Variants in CASQ2 observed in about 807,000 individuals in gnomAD.
CASQ2 encodes calsequestrin 2.
Under a neutral mutation model 46.5 loss-of-function variants are expected in CASQ2, and 49 were observed. The observed-to-expected ratio is 1.05, with a 90% CI of 0.84 to 1.34. The LOEUF (loss-of-function observed/expected upper bound fraction) is 1.34, where lower values mean the gene tolerates loss of function less well. CASQ2 is among the 40% of genes most tolerant of loss of function. The probability of loss-of-function intolerance (pLI) is 0.00; values close to 1 mark genes in which losing one functional copy is unlikely to be tolerated. For missense variants in CASQ2, 486 were observed against 481.3 expected (o/e 1.01, Z -0.09); for synonymous variants, 174 against 168.5 (o/e 1.03, Z -0.25).
At chr1:115,766,796 C>T (rs1649144302) in intron 1 of CASQ2, among the ~76,000 whole-genome samples, 1 of 151,710 alleles carries the variant, frequency 6.6e-6, no homozygotes, top group Non-Finnish European at 1.5e-5. Flanking sequence ...GGATGGTAAG[C>T]CCAGGGGAAG....
chr1:115,702,804 C>A (rs1443363847), intron 10 of CASQ2, 117 bp downstream of exon 10: 2 of 806,980 alleles, frequency 2.5e-6, no homozygotes, highest in Non-Finnish European at 4.2e-6. Flanking sequence ...TTGAGCAGGA[C>A]CCCTGCCCTC....
At chr1:115,752,386 G>A (rs4839478) in intron 1 of CASQ2, among the ~76,000 whole-genome samples, 141,670 of 152,306 alleles carry the variant, frequency 0.93, 66,217 homozygotes, top group South Asian at 0.98. Context: ...AGCACCTAGC[G>A]TAATACCTGA....
intron 8 of CASQ2, among the ~76,000 whole-genome samples, chr1:115,711,713 G>T (rs1293034757): frequency 1.3e-5 from 2 of 151,892 alleles, no homozygotes; most frequent in Admixed American, 6.6e-5. Context: ...GGAGTGCAAT[G>T]GTGTGGTCTC....
chr1:115,721,739 T>C (rs1647382577), intron 7 of CASQ2, among the ~76,000 whole-genome samples: 1 of 151,986 alleles, frequency 6.6e-6, no homozygotes. Context: ...CCCAGCTAAT[T>C]TTTGTATTTT....
rs1654189152 is a variant in CASQ2 at position 115,701,117 on chromosome 1, G to T, written c.*124C>A. The T allele has an allele frequency of 6.9e-7, 1 of 1,445,734 alleles. No individual in the cohort carries two copies. Among genetic ancestry groups the T allele is most frequent in the Non-Finnish European group, 9.7e-7 (1 of 1,029,698 alleles). 89.6% of individuals were successfully genotyped at this position (1,445,734 alleles called of 1,614,324 possible). On this transcript the variant is annotated 3_prime_UTR_variant, in exon 11 of 11. Transcript: ENST00000261448. ...TCCTGACGCAAAGGGAGTGGGAAAA[G>T]AGATGATGGAAAAGGGAAAGGAGCT...
chr1:115,713,654 G>A (rs1283791667), intron 8 of CASQ2, among the ~76,000 whole-genome samples: 25 of 152,214 alleles, frequency 1.6e-4, no homozygotes, highest in Admixed American at 1.6e-3. Flanking sequence ...GTGGGAGGAA[G>A]CCTGACTTTT....
rs371537492 is a variant in CASQ2, at chr1:115,701,303, C to G, written c.1138G>C (p.Asp380His). The G allele has an allele frequency of 2.5e-6, 4 of 1,595,346 alleles. No individual in the cohort carries two copies. Among genetic ancestry groups the G allele is most frequent in the Non-Finnish European group, 3.4e-6 (4 of 1,162,976 alleles). ...TCTTCATCAGAATTATCATCATCATCATCATCTTCATCATCATCTTCAGTG... is the reference window on the plus strand; with the variant it reads ...TCTTCATCAGAATTATCATCATCATGATCATCTTCATCATCATCTTCAGTG... ...INTEDDDEDDDDDDNSDEEDN... is the reference protein window; with the variant it reads ...INTEDDDEDDHDDDNSDEEDN... Residue 380 changes from aspartate (D) to histidine (H), a missense_variant, in exon 11 of 11, where the codon GAT (aspartate) becomes CAT (histidine). Transcript: ENST00000261448.
rs867670466 is a variant in CASQ2 at position 115,712,231 on chromosome 1, C to T, written c.838+5609G>A. 2.4e-4 allele frequency among the ~76,000 whole-genome samples: 37 copies of T among 152,300 alleles called. 1 individual carries two copies. Among genetic ancestry groups the T allele is most frequent in the Middle Eastern group, 6.8e-3 (2 of 294 alleles). ...GTCACCCGTGAGAGTCAGACATCCGCGTAGGACAGGGGACATTGTCTGGGC... is the reference window on the plus strand; with the variant it reads ...GTCACCCGTGAGAGTCAGACATCCGTGTAGGACAGGGGACATTGTCTGGGC... On this transcript the variant is annotated intron_variant, in intron 8 of 10. Coordinates refer to ENST00000261448, the MANE Select transcript of CASQ2 (RefSeq NM_001232.4).
chr1:115,733,062 G>A, intron 4 of CASQ2, 88 bp from the exon 5 acceptor site: 1 of 889,542 alleles, frequency 1.1e-6, no homozygotes. Context: ...AGAGTAGAAA[G>A]CCAATTAATC....
intron 9 of CASQ2, among the ~76,000 whole-genome samples, chr1:115,704,449 T>C (rs1240902784): frequency 1.3e-5 from 2 of 152,114 alleles, no homozygotes; most frequent in Non-Finnish European, 2.9e-5. Context: ...CTTCACAGGG[T>C]TGTTGAGAGG....
At chr1:115,758,662 A>G (rs1266390219) in intron 1 of CASQ2, among the ~76,000 whole-genome samples, 2 of 152,286 alleles carry the variant, frequency 1.3e-5, no homozygotes, top group African/African-American at 4.8e-5. Flanking sequence ...TTCTCACTCT[A>G]TTAGTTCCTG....
chr1:115,722,277 A>G (rs1266707776), intron 7 of CASQ2, among the ~76,000 whole-genome samples: 1 of 152,238 alleles, frequency 6.6e-6, no homozygotes, highest in Non-Finnish European at 1.5e-5. Flanking sequence ...GAACAATTCA[A>G]TATGCAATAA....
chr1:115,708,780 C>A (rs1006746416), intron 8 of CASQ2, among the ~76,000 whole-genome samples: 8 of 152,320 alleles, frequency 5.3e-5, no homozygotes, highest in Admixed American at 4.6e-4. Flanking sequence ...ATCGGTATTA[C>A]GTTCAGTGAT....
At chr1:115,752,045 G>A (rs1020559826) in intron 1 of CASQ2, among the ~76,000 whole-genome samples, 5 of 152,152 alleles carry the variant, frequency 3.3e-5, no homozygotes, top group African/African-American at 1.2e-4. Flanking sequence ...TTGCAGGGAC[G>A]CCTTGTTCTA....
chr1:115,751,706 G>A (rs1040863347), intron 1 of CASQ2, among the ~76,000 whole-genome samples: 29 of 152,078 alleles, frequency 1.9e-4, no homozygotes, highest in Admixed American at 6.5e-5. Context: ...TGCTACAGGA[G>A]TAGGACAAAA....
chr1:115,744,535 C>T, intron 2 of CASQ2, among the ~76,000 whole-genome samples: 1 of 152,178 alleles, frequency 6.6e-6, no homozygotes, highest in Non-Finnish European at 1.5e-5. Context: ...TTTTAGCTTG[C>T]TTTAGAAGCT....
Position 115,707,220 on chromosome 1 carries a change from G to C in CASQ2, c.839-1928C>G, listed in dbSNP as rs562756138. 2.0e-5 allele frequency among the ~76,000 whole-genome samples: 3 copies of C among 152,100 alleles called. No homozygotes were observed. The East Asian group carries it at 5.8e-4, about 29-fold the overall frequency. On this transcript the variant is annotated intron_variant, in intron 8 of 10. Coordinates refer to ENST00000261448, the MANE Select transcript of CASQ2 (RefSeq NM_001232.4). Reference sequence around the variant, plus strand: ...TTATTGTTTTATTTTGTGCAGACAGGGGTCTCACATTGTTGCCCAGGTTGG... The same window carrying C: ...TTATTGTTTTATTTTGTGCAGACAGCGGTCTCACATTGTTGCCCAGGTTGG...
intron 8 of CASQ2, among the ~76,000 whole-genome samples, chr1:115,710,511 C>A (rs1332536553): frequency 6.6e-6 from 1 of 152,136 alleles, no homozygotes; most frequent in South Asian, 2.1e-4. Flanking sequence ...GATTTTTAAG[C>A]CCAGTGTGAA....
chr1:115,705,090 G>A, intron 9 of CASQ2, 102 bp downstream of exon 9: 1 of 826,708 alleles, frequency 1.2e-6, no homozygotes, highest in Non-Finnish European at 2.2e-6. Flanking sequence ...CCGCCACTGG[G>A]TTTCTTCAAG....
Sources: gnomAD v4.1 joint callset for allele counts (sites outside exome capture counted in the v4.1 genomes callset) on GRCh38, gnomAD v4.1.1 for gene constraint, MANE v1.5 for transcripts, NCBI Gene and HGNC (gene_info 2026-07-23, HGNC 2026-07-21) for gene names.